Variants in HHIP observed in about 807,000 individuals in gnomAD.
HHIP encodes the protein hedgehog interacting protein.
HHIP carries 12 observed loss-of-function variants against 74.0 expected under a neutral mutation model. That is an observed-to-expected ratio of 0.16 (90% confidence interval 0.10 to 0.26). The LOEUF is 0.26. HHIP is among the 10% of genes least tolerant of loss of function. The probability of loss-of-function intolerance (pLI) is 1.00; values close to 1 mark genes in which losing one functional copy is unlikely to be tolerated. For missense variants in HHIP, 788 were observed against 845.0 expected, an observed-to-expected ratio of 0.93 and a Z score of 0.84; for synonymous variants, 309 against 311.6, an observed-to-expected ratio of 0.99 and a Z score of 0.09.
intron 4 of HHIP, among the ~76,000 whole-genome samples, chr4:144,673,839 T>G (rs935175186): frequency 2.0e-5 from 3 of 152,200 alleles, no homozygotes; most frequent in Non-Finnish European, 2.9e-5. Flanking sequence ...TGTAGATATT[T>G]GAGCAAATAA....
rs553351800 is a variant in HHIP, at chr4:144,718,047, A to G, written c.1679-828A>G. On this transcript the variant is annotated intron_variant, in intron 10 of 12. Coordinates refer to ENST00000296575, the MANE Select transcript of HHIP (RefSeq NM_022475.3). ...GGGATGCAGCAGTGGATAAAGAGAC[A>G]AAAGTCTAAACTAGTGTCATGAAAT... Among the ~76,000 whole-genome samples, 59 of 152,362 alleles carry G rather than the reference A, an allele frequency of 3.9e-4. No homozygotes were observed. In the South Asian group the frequency reaches 0.012, roughly 30 times the overall value.
intron 7 of HHIP, among the ~76,000 whole-genome samples, chr4:144,709,884 T>TC (rs1730243799): frequency 6.6e-6 from 1 of 152,082 alleles, no homozygotes; most frequent in Non-Finnish European, 1.5e-5. Flanking sequence ...ATTATGATCA[T>TC]CCCCCATAGA....
At chr4:144,702,251 C>A (rs1018321567) in intron 4 of HHIP, among the ~76,000 whole-genome samples, 2 of 152,168 alleles carry the variant, frequency 1.3e-5, no homozygotes, top group Non-Finnish European at 2.9e-5. Flanking sequence ...GAGGAATATT[C>A]TTAATTGGTT....
At chr4:144,680,456 C>A (rs758959043) in intron 4 of HHIP, among the ~76,000 whole-genome samples, 1 of 152,074 alleles carries the variant, frequency 6.6e-6, no homozygotes, top group East Asian at 1.9e-4. Context: ...GGATTGTTAC[C>A]AGAAGACAGT....
chr4:144,646,547 C>A lies in HHIP; in HGVS notation c.-129C>A. On this transcript the variant is annotated 5_prime_UTR_variant, in exon 1 of 13. Transcript: ENST00000296575. ...GCTGTACATATTTTTGTCCCCGCCA[C>A]CTCCCTCTGTCTCTGGAGTGCCCTA... 3 of 907,290 alleles carry A rather than the reference C, an allele frequency of 3.3e-6. No homozygotes were observed. 56.2% of individuals were successfully genotyped at this position (907,290 alleles called of 1,614,324 possible). A position where few individuals can be genotyped will look rare whatever the true frequency, so the allele number is the denominator to read the frequency against.
At chr4:144,718,121 G>A (rs762249839) in intron 10 of HHIP, among the ~76,000 whole-genome samples, 69 of 151,976 alleles carry the variant, frequency 4.5e-4, no homozygotes, top group Non-Finnish European at 7.4e-4. Flanking sequence ...TAAAAAATAC[G>A]GTACATAAAT....
At chr4:144,691,080 C>G (rs1729647944) in intron 4 of HHIP, among the ~76,000 whole-genome samples, 1 of 152,086 alleles carries the variant, frequency 6.6e-6, no homozygotes, top group South Asian at 2.1e-4. Flanking sequence ...AATAATATTT[C>G]ATGGTATATT....
intron 2 of HHIP, chr4:144,655,053 C>A (rs1008294780): frequency 6.6e-6 from 1 of 152,124 alleles, no homozygotes; most frequent in African/African-American, 2.4e-5. Flanking sequence ...AATGACTTAA[C>A]CATTTGCTTT....
chr4:144,655,657 A>G (rs1312267209), intron 2 of HHIP, among the ~76,000 whole-genome samples: 1 of 152,158 alleles, frequency 6.6e-6, no homozygotes, highest in Non-Finnish European at 1.5e-5. Context: ...TCCCAAGGAG[A>G]GTAAACCAGA....
intron 4 of HHIP, among the ~76,000 whole-genome samples, chr4:144,670,685 CT>C (rs573156010): frequency 9.0e-4 from 110 of 122,022 alleles, no homozygotes; most frequent in African/African-American, 3.3e-3. Flanking sequence ...CAGTTTCAAA[CT>C]GTTCAGAAGA....
chr4:144,648,488 A>G (rs1728332079), intron 1 of HHIP: 1 of 152,224 alleles, frequency 6.6e-6, no homozygotes, highest in Non-Finnish European at 1.5e-5. Context: ...TTCAGGGAAC[A>G]GATATTCCAG....
At chr4:144,655,496 T>A (rs1403375690) in intron 2 of HHIP, among the ~76,000 whole-genome samples, 3 of 152,146 alleles carry the variant, frequency 2.0e-5, no homozygotes, top group Non-Finnish European at 2.9e-5. Context: ...AGCAGTAGGT[T>A]ATTGTAGTGT....
chr4:144,743,422 C>G lies in HHIP; in HGVS notation c.*5465C>G, dbSNP rs558178785. On this transcript the variant is annotated 3_prime_UTR_variant, in exon 13 of 13. Coordinates refer to ENST00000296575, the MANE Select transcript of HHIP (RefSeq NM_022475.3). ...TAAATAATTGGATTCCTTGTATCAA[C>G]AGAAAGCCTTGTGCTTAAAACCTGT... is the stretch of plus-strand genomic sequence containing the variant. 9 of 152,088 alleles carry G rather than the reference C, an allele frequency of 5.9e-5. No individual in the cohort carries two copies. The East Asian group carries it at 1.5e-3, about 26-fold the overall frequency. 9.4% of individuals were successfully genotyped at this position (152,088 alleles called of 1,614,324 possible).
rs4030000 is a variant in HHIP at position 144,712,885 on chromosome 4, GGTGTGTGT to G, written c.1423+830_1423+837del. Reference sequence around the variant, plus strand: ...ATTCAGTTATTTTACTTTTTTTTCAGGTGTGTGTGTGTGTGTGTGTGTGCACGCGCATC... The same window carrying G: ...ATTCAGTTATTTTACTTTTTTTTCAGGTGTGTGTGTGTGTGCACGCGCATC... On this transcript the variant is annotated intron_variant, in intron 8 of 12. Coordinates refer to ENST00000296575, the MANE Select transcript of HHIP (RefSeq NM_022475.3). Among the ~76,000 whole-genome samples, 39 of 144,130 alleles carry G rather than the reference GGTGTGTGT, an allele frequency of 2.7e-4. No individual in the cohort carries two copies. In the South Asian group the frequency reaches 8.7e-3, roughly 32 times the overall value. 94.6% of individuals were successfully genotyped at this position (144,130 alleles called of 152,430 possible).
At chr4:144,660,270 C>G (rs1403417254) in intron 4 of HHIP, 8 of 200,644 alleles carry the variant, frequency 4.0e-5, no homozygotes, top group Non-Finnish European at 9.9e-6. Context: ...ACTACTTATA[C>G]TACAACTTCC....
At chr4:144,683,845 G>A (rs890617466) in intron 4 of HHIP, among the ~76,000 whole-genome samples, 1 of 152,016 alleles carries the variant, frequency 6.6e-6, no homozygotes, top group Non-Finnish European at 1.5e-5. Context: ...TAAGAAAAAC[G>A]TTTGCTGGCC....
intron 1 of HHIP, 33 bp from the exon 2 acceptor site, chr4:144,652,571 TA>T (rs762899495): frequency 6.5e-6 from 9 of 1,383,906 alleles, no homozygotes; most frequent in East Asian, 2.3e-5. Context: ...ATTTACCTAC[TA>T]AAAAAAGTTT....
At chr4:144,693,471 C>T (rs1037557107) in intron 4 of HHIP, among the ~76,000 whole-genome samples, 7 of 151,996 alleles carry the variant, frequency 4.6e-5, no homozygotes, top group Non-Finnish European at 8.8e-5. Context: ...TGAAATCTAT[C>T]CTATTGGAGA....
intron 4 of HHIP, among the ~76,000 whole-genome samples, chr4:144,676,823 G>T (rs767768244): frequency 6.6e-6 from 1 of 152,198 alleles, no homozygotes; most frequent in Non-Finnish European, 1.5e-5. Context: ...ATGCCGTAAG[G>T]AAGGTATAAC....
Sources: gnomAD v4.1 joint callset for allele counts (sites outside exome capture counted in the v4.1 genomes callset) on GRCh38, gnomAD v4.1.1 for gene constraint, MANE v1.5 for transcripts, NCBI Gene and HGNC (gene_info 2026-07-23, HGNC 2026-07-21) for gene names.